The following PKIB variants were observed in gnomAD, a reference collection of about 807,000 sequenced individuals.
PKIB encodes PKI-beta.
PKIB carries 2 observed loss-of-function variants against 4.5 expected under a neutral mutation model. The observed-to-expected ratio is 0.44, with a 90% CI of 0.18 to 1.39. The LOEUF (loss-of-function observed/expected upper bound fraction) is 1.39, where lower values mean the gene tolerates loss of function less well. Ranked by LOEUF, PKIB falls within the 40% of genes most tolerant of loss-of-function variation. The probability of loss-of-function intolerance (pLI) is 0.27; values close to 1 mark genes in which losing one functional copy is unlikely to be tolerated. For synonymous variants in PKIB, 38 were observed against 36.0 expected (o/e 1.06, Z -0.20); for missense variants, 94 against 92.6 (o/e 1.02, Z -0.06).
intron 2 of PKIB, among the ~76,000 whole-genome samples, chr6:122,486,952 A>T (rs1052792610): frequency 3.3e-5 from 1 of 30,708 alleles, no homozygotes; most frequent in Non-Finnish European, 7.2e-5. Flanking sequence ...TATCTATCTA[A>T]CTACTATTTT....
chr6:122,649,580 C>G (rs1210485027), intron 2 of PKIB, among the ~76,000 whole-genome samples: 3 of 152,072 alleles, frequency 2.0e-5, no homozygotes, highest in Admixed American at 1.3e-4. Context: ...ATTACTTGAG[C>G]CTGTTTCAGC....
intron 3 of PKIB, among the ~76,000 whole-genome samples, chr6:122,692,450 A>G (rs964962492): frequency 2.6e-5 from 4 of 152,092 alleles, no homozygotes; most frequent in African/African-American, 9.7e-5. Flanking sequence ...AGCCAGAGGA[A>G]TCTCTCTCTG....
At chr6:122,706,813 TC>T (rs778409829) in intron 3 of PKIB, among the ~76,000 whole-genome samples, 5 of 151,970 alleles carry the variant, frequency 3.3e-5, no homozygotes, top group Non-Finnish European at 7.4e-5. Flanking sequence ...AAAGTAAAAT[TC>T]AACGAAGAAA....
intron 2 of PKIB, among the ~76,000 whole-genome samples, chr6:122,582,061 T>C (rs76046919): frequency 0.08 from 12,123 of 152,086 alleles, 639 homozygotes; most frequent in East Asian, 0.21. Context: ...GTGATGTACA[T>C]AGCAGTTGCT....
intron 2 of PKIB, among the ~76,000 whole-genome samples, chr6:122,557,067 A>G (rs1417957833): frequency 2.0e-5 from 3 of 152,050 alleles, no homozygotes; most frequent in African/African-American, 7.2e-5. Context: ...TACAAAAGAA[A>G]TAGCCAGGTG....
chr6:122,570,634 G>A (rs1027286569), intron 2 of PKIB, among the ~76,000 whole-genome samples: 3 of 151,974 alleles, frequency 2.0e-5, no homozygotes, highest in Non-Finnish European at 2.9e-5. Flanking sequence ...TATAACTAAG[G>A]AAGTCATACA....
chr6:122,606,305 G>C (rs1321604906), upstream of PKIB, among the ~76,000 whole-genome samples: 1 of 152,196 alleles, frequency 6.6e-6, no homozygotes, highest in African/African-American at 2.4e-5. Context: ...GGGCATGGTG[G>C]CCCACGCCTG....
At chr6:122,709,477 A>C (rs796763169) in intron 3 of PKIB, among the ~76,000 whole-genome samples, 3 of 138,270 alleles carry the variant, frequency 2.2e-5, no homozygotes, top group African/African-American at 8.6e-5. Flanking sequence ...AGATGGGATC[A>C]AGTGGGAGTT....
chr6:122,657,971 A>G (rs1776839933), intron 2 of PKIB, among the ~76,000 whole-genome samples: 1 of 152,194 alleles, frequency 6.6e-6, no homozygotes, highest in Non-Finnish European at 1.5e-5. Context: ...ATTTTCTGCT[A>G]TTGTCCTGAA....
chr6:122,689,678 G>T (rs1157483801), intron 3 of PKIB, among the ~76,000 whole-genome samples: 4 of 152,052 alleles, frequency 2.6e-5, no homozygotes, highest in Non-Finnish European at 2.9e-5. Context: ...CTAACATATG[G>T]TCTATTCTTG....
rs576123985 is a variant in PKIB, at chr6:122,539,289, G to A, written c.-247-46632G>A. Among the ~76,000 whole-genome samples, 26 of 152,100 alleles carry A rather than the reference G, an allele frequency of 1.7e-4. No homozygotes were observed. In the South Asian group the frequency reaches 2.3e-3, roughly 13 times the overall value. ...TTCAAAGGGAATGCTTCCAGTTTTT[G>A]CCCATTCAGTATGATATTGGCTGTG... On this transcript the variant is annotated intron_variant, in intron 2 of 6. Transcript: ENST00000392491.
intron 2 of PKIB, among the ~76,000 whole-genome samples, chr6:122,635,213 CTA>C (rs1775868153): frequency 6.6e-6 from 1 of 152,014 alleles, no homozygotes; most frequent in Admixed American, 6.5e-5. Context: ...TACAGTAACT[CTA>C]TGAGGAAGGT....
chr6:122,652,119 TA>T (rs1776576826), intron 2 of PKIB, among the ~76,000 whole-genome samples: 1 of 152,120 alleles, frequency 6.6e-6, no homozygotes, highest in Non-Finnish European at 1.5e-5. Flanking sequence ...AGCTTATCCT[TA>T]AAAATTCTAT....
At chr6:122,713,288 T>A (rs1347844403) in intron 3 of PKIB, among the ~76,000 whole-genome samples, 1 of 152,138 alleles carries the variant, frequency 6.6e-6, no homozygotes, top group African/African-American at 2.4e-5. Context: ...AAAGCAGCAC[T>A]CATCTAGAGT....
chr6:122,695,739 C>A (rs1339368210), intron 3 of PKIB, among the ~76,000 whole-genome samples: 1 of 151,988 alleles, frequency 6.6e-6, no homozygotes, highest in Non-Finnish European at 1.5e-5. Context: ...TTTTTAAAAT[C>A]CATGTTTTGG....
chr6:122,687,449 T>C (rs1012289233), intron 3 of PKIB, among the ~76,000 whole-genome samples: 5 of 152,254 alleles, frequency 3.3e-5, no homozygotes, highest in African/African-American at 1.2e-4. Flanking sequence ...TGGCTATTAT[T>C]CTGGTCTTTT....
At chr6:122,711,738 T>A (rs989685032) in intron 3 of PKIB, among the ~76,000 whole-genome samples, 1 of 152,156 alleles carries the variant, frequency 6.6e-6, no homozygotes, top group Non-Finnish European at 1.5e-5. Flanking sequence ...AGAAGTAACA[T>A]TGTGCTGGAA....
chr6:122,725,637 C>G lies in PKIB; in HGVS notation c.*442C>G, dbSNP rs1488495002. 6.5e-6 allele frequency: 1 copy of G among 153,426 alleles called. No homozygotes were observed. Among genetic ancestry groups the G allele is most frequent in the Non-Finnish European group, 1.5e-5 (1 of 68,942 alleles). The allele number at this position is 153,426 out of a possible 1,614,324, so 9.5% of individuals were successfully genotyped here. A position where few individuals can be genotyped will look rare whatever the true frequency, so the allele number is the denominator to read the frequency against. ...TATGGACATTTTTGGTGAGAAAGAA[C>G]AATAGTCAAAACTCACATGGATAGA... On this transcript the variant is annotated 3_prime_UTR_variant, in exon 5 of 5. Transcript: ENST00000368452.
At chr6:122,588,141 G>A (rs1488574403) in intron 3 of PKIB, among the ~76,000 whole-genome samples, 1 of 152,078 alleles carries the variant, frequency 6.6e-6, no homozygotes, top group Non-Finnish European at 1.5e-5. Flanking sequence ...TTCTTCTATG[G>A]TTTTTATGGT....
Sources: gnomAD v4.1 joint callset for allele counts (sites outside exome capture counted in the v4.1 genomes callset) on GRCh38, gnomAD v4.1.1 for gene constraint, MANE v1.5 for transcripts, NCBI Gene and HGNC (gene_info 2026-07-23, HGNC 2026-07-21) for gene names.